FAM24B: variants seen among roughly 807,000 people sequenced by gnomAD.
FAM24B encodes protein FAM24B.
A neutral mutation model predicts 2.3 loss-of-function variants in FAM24B; 3 were observed. That is an observed-to-expected ratio of 1.29 (90% CI 0.59 to 3.32). FAM24B has a LOEUF of 3.32. Among genes scored for constraint, FAM24B ranks in the 30% most tolerant of loss-of-function variants. The pLI, the probability that FAM24B is intolerant of heterozygous loss-of-function variation, is 0.03. For missense variants in FAM24B, 98 were observed against 117.2 expected, an observed-to-expected ratio of 0.84 and a Z score of 0.76; for synonymous variants, 36 against 46.3, an observed-to-expected ratio of 0.78 and a Z score of 0.90.
chr10:122,864,840 ACTGGTTT>A (rs1847777882), intron 1 of FAM24B, among the ~76,000 whole-genome samples: 1 of 152,220 alleles, frequency 6.6e-6, no homozygotes, highest in Non-Finnish European at 1.5e-5. Context: ...TTTAAGGCTA[ACTGGTTT>A]CAACTGGCAA....
At position 122,867,400 on chromosome 10, in the gene FAM24B, C is replaced by A. The variant is rs866468981; in HGVS notation, c.-177-11614G>T. Among the ~76,000 whole-genome samples, 52 of 152,348 alleles carry A rather than the reference C, an allele frequency of 3.4e-4. No homozygotes were observed. In the Middle Eastern group the frequency reaches 0.01, roughly 30 times the overall value. On this transcript the variant is annotated intron_variant, in intron 1 of 3. Transcript: ENST00000368898. The stretch of plus-strand genomic sequence containing the variant: ...GACAAACAAAAGACAGCAATAACCT[C>A]TGCAGACTTAAATGTCCCTGTCTGA...
chr10:122,850,634 G>A (rs944609330), intron 2 of FAM24B, 84 bp from the exon 3 acceptor site: 1 of 741,060 alleles, frequency 1.3e-6, no homozygotes, highest in Admixed American at 1.9e-5. Context: ...TGTCAGGGGA[G>A]GAAGAAGAAA....
intron 1 of FAM24B, among the ~76,000 whole-genome samples, chr10:122,857,913 C>T (rs1296258921): frequency 2.6e-5 from 4 of 152,194 alleles, no homozygotes; most frequent in African/African-American, 9.7e-5. Context: ...TGCCTGCTGA[C>T]CACCTGACAA....
At chr10:122,858,446 T>A (rs918175280) in intron 1 of FAM24B, among the ~76,000 whole-genome samples, 2 of 151,510 alleles carry the variant, frequency 1.3e-5, no homozygotes, top group African/African-American at 4.9e-5. Flanking sequence ...GAGATATACC[T>A]AATGTAAATG....
chr10:122,876,178 C>T (rs1416958432), intron 1 of FAM24B, among the ~76,000 whole-genome samples: 4 of 152,112 alleles, frequency 2.6e-5, no homozygotes, highest in Non-Finnish European at 4.4e-5. Context: ...TTCCTTTTGC[C>T]CTAAAACTTG....
chr10:122,876,355 A>C (rs1847976946), intron 1 of FAM24B, among the ~76,000 whole-genome samples: 1 of 152,182 alleles, frequency 6.6e-6, no homozygotes, highest in Admixed American at 6.5e-5. Flanking sequence ...GGCTCTGGTA[A>C]AGTACTTTCC....
chr10:122,850,284 C>A, intron 3 of FAM24B, 140 bp downstream of exon 3: 1 of 693,450 alleles, frequency 1.4e-6, no homozygotes. Context: ...TTCTTCTTGA[C>A]TTCACCCAGG....
chr10:122,875,030 T>C (rs1847956401), intron 1 of FAM24B, among the ~76,000 whole-genome samples: 1 of 152,208 alleles, frequency 6.6e-6, no homozygotes, highest in Non-Finnish European at 1.5e-5. Context: ...ATTTCTCACA[T>C]ATTTCTTCTA....
At chr10:122,876,603 T>C (rs1847980261) in intron 1 of FAM24B, among the ~76,000 whole-genome samples, 1 of 152,220 alleles carries the variant, frequency 6.6e-6, no homozygotes, top group African/African-American at 2.4e-5. Context: ...TCAATGACCA[T>C]TTTAAGTGTT....
At chr10:122,876,553 T>C (rs1424187453) in intron 1 of FAM24B, among the ~76,000 whole-genome samples, 1 of 152,224 alleles carries the variant, frequency 6.6e-6, no homozygotes, top group East Asian at 1.9e-4. Context: ...CAGGAGTTTC[T>C]AACTGTCAAG....
chr10:122,851,054 T>C (rs1283832488), intron 2 of FAM24B, among the ~76,000 whole-genome samples: 1 of 152,252 alleles, frequency 6.6e-6, no homozygotes, highest in Admixed American at 6.5e-5. Flanking sequence ...AAATGATGCA[T>C]GTTTTAGGAA....
chr10:122,867,726 G>A (rs1047499087), intron 1 of FAM24B, among the ~76,000 whole-genome samples: 5 of 152,192 alleles, frequency 3.3e-5, no homozygotes, highest in South Asian at 2.1e-4. Context: ...TTGCAGCTGA[G>A]GGTCCTGAGA....
chr10:122,853,376 T>A (rs1589668454), intron 2 of FAM24B, among the ~76,000 whole-genome samples: 1 of 152,200 alleles, frequency 6.6e-6, no homozygotes, highest in African/African-American at 2.4e-5. Context: ...CTCATCTCCC[T>A]CTCCATTATC....
At chr10:122,850,719 G>A in intron 2 of FAM24B, 169 bp from the exon 3 acceptor site, 1 of 501,300 alleles carries the variant, frequency 2.0e-6, no homozygotes, top group Non-Finnish European at 3.6e-6. Flanking sequence ...AGCTGGCCCA[G>A]AGATGGAAAA....
At position 122,855,374 on chromosome 10, in the gene FAM24B, G is replaced by GA. The variant is rs1404134713; in HGVS notation, c.-36+270dup. On this transcript the variant is annotated intron_variant, in intron 2 of 3. Coordinates refer to ENST00000368898, the MANE Select transcript of FAM24B (RefSeq NM_152644.3). ...AAATCAGTTTTAAAAGAACCAAAGA[G>GA]AAAAAACTGCAAACTTAGTGATGAA... 9 of 152,238 alleles carry GA rather than the reference G, an allele frequency of 5.9e-5. 2 individuals are homozygous for GA. Among genetic ancestry groups the GA allele is most frequent in the East Asian group, 5.8e-4 (3 of 5,180 alleles). The allele number at this position is 152,238 out of a possible 1,614,324, so 9.4% of individuals were successfully genotyped here. A position where few individuals can be genotyped will look rare whatever the true frequency, so the allele number is the denominator to read the frequency against.
chr10:122,874,411 G>T (rs1847946216), intron 1 of FAM24B, among the ~76,000 whole-genome samples: 1 of 152,062 alleles, frequency 6.6e-6, no homozygotes, highest in Non-Finnish European at 1.5e-5. Context: ...TCCCTCTGGA[G>T]AACTTATTTT....
At chr10:122,868,956 G>A (rs1847847049) in intron 1 of FAM24B, among the ~76,000 whole-genome samples, 1 of 152,126 alleles carries the variant, frequency 6.6e-6, no homozygotes. Flanking sequence ...AGGTAAATGG[G>A]CTAAATGCTC....
chr10:122,869,150 C>G (rs1256635000), intron 1 of FAM24B, among the ~76,000 whole-genome samples: 2 of 152,028 alleles, frequency 1.3e-5, no homozygotes, highest in African/African-American at 4.8e-5. Flanking sequence ...TCTGATAAAA[C>G]AGACTTTAAA....
chr10:122,855,505 G>C (rs1023910593), intron 2 of FAM24B, 140 bp downstream of exon 2: 2 of 152,160 alleles, frequency 1.3e-5, no homozygotes, highest in Non-Finnish European at 2.9e-5. Flanking sequence ...CTGGGCTCTG[G>C]GATTTGCCCT....
Sources: gnomAD v4.1 joint callset for allele counts (sites outside exome capture counted in the v4.1 genomes callset) on GRCh38, gnomAD v4.1.1 for gene constraint, MANE v1.5 for transcripts, NCBI Gene and HGNC (gene_info 2026-07-23, HGNC 2026-07-21) for gene names.